The following SCFD2 variants were observed in gnomAD, a reference collection of about 807,000 sequenced individuals.
The protein encoded by SCFD2 is sec1 family domain containing 2, also known as sec1 family domain-containing protein 2.
Under a neutral mutation model 58.9 loss-of-function variants are expected in SCFD2, and 54 were observed. The observed-to-expected ratio is 0.92, with a 90% CI of 0.74 to 1.15. The LOEUF is 1.15. Ranked by LOEUF, SCFD2 falls within the 50% of genes most tolerant of loss-of-function variation. The probability of loss-of-function intolerance (pLI) is 0.00; values close to 1 mark genes in which losing one functional copy is unlikely to be tolerated. For synonymous variants in SCFD2, 321 were observed against 335.9 expected, an observed-to-expected ratio of 0.96 and a Z score of 0.49; for missense variants, 805 against 836.6, an observed-to-expected ratio of 0.96 and a Z score of 0.47.
At chr4:53,097,791 GC>G in intron 5 of SCFD2, among the ~76,000 whole-genome samples, 1 of 152,286 alleles carries the variant, frequency 6.6e-6, no homozygotes, top group East Asian at 1.9e-4. Flanking sequence ...CCTGTCTTGT[GC>G]CAGTTTTCAA....
Position 53,032,598 on chromosome 4 carries a change from T to C in SCFD2, c.1562-111728A>G, listed in dbSNP as rs185939314. Among the ~76,000 whole-genome samples, 21 of 152,078 alleles carry C rather than the reference T, an allele frequency of 1.4e-4. 1 individual carries two copies. The highest frequency in any genetic ancestry group is 2.5e-4 in the Non-Finnish European group (17 of 67,978). The stretch of plus-strand genomic sequence containing the variant: ...TCAAAATAAAGGGATGGAGGAATAT[T>C]TACCAAGCAAATGTAAAGCAAAACA... On this transcript the variant is annotated intron_variant, in intron 5 of 8. Transcript: ENST00000401642.
intron 6 of SCFD2, among the ~76,000 whole-genome samples, chr4:52,914,301 G>T (rs772741441): frequency 8.6e-5 from 13 of 151,872 alleles, no homozygotes; most frequent in Non-Finnish European, 1.9e-4. Context: ...ATAATAACTG[G>T]ACTTGTCCCT....
intron 5 of SCFD2, among the ~76,000 whole-genome samples, chr4:53,054,852 CT>C (rs1455327055): frequency 6.6e-6 from 1 of 152,072 alleles, no homozygotes; most frequent in Admixed American, 6.6e-5. Context: ...CAAGATCTCC[CT>C]ATGTTGCCTG....
At position 53,139,710 on chromosome 4, in the gene SCFD2, C is replaced by A. The variant is rs369316038; in HGVS notation, c.1561+5623G>T. On this transcript the variant is annotated intron_variant, in intron 5 of 8. Coordinates refer to ENST00000401642, the MANE Select transcript of SCFD2 (RefSeq NM_152540.4). The stretch of plus-strand genomic sequence containing the variant: ...CCGCCACCCCATCTGGGAGGTGTAC[C>A]CAACAGCTCATTGAGAACAGGCCAT... Among the ~76,000 whole-genome samples, 3 of 152,306 alleles carry A rather than the reference C, an allele frequency of 2.0e-5. No homozygotes were observed. The East Asian group carries it at 5.8e-4, about 29-fold the overall frequency.
At chr4:53,232,165 T>C (rs138493924) in intron 4 of SCFD2, among the ~76,000 whole-genome samples, 5 of 152,228 alleles carry the variant, frequency 3.3e-5, no homozygotes, top group Non-Finnish European at 7.4e-5. Context: ...GAAAACAAAC[T>C]TTAAATACTT....
chr4:52,896,006 G>T (rs1718999083), intron 7 of SCFD2, among the ~76,000 whole-genome samples: 3 of 152,166 alleles, frequency 2.0e-5, no homozygotes. Context: ...TTTTGATGGG[G>T]TTGTTTGTTT....
In SCFD2 at chr4:53,163,449, C is replaced by T. The variant is rs533332518; in HGVS notation, c.1312-17867G>A. Among the ~76,000 whole-genome samples the T allele has an allele frequency of 4.6e-5, 7 of 152,166 alleles. No individual in the cohort carries two copies. In the East Asian group the frequency reaches 5.8e-4, roughly 13 times the overall value. ...TTTAAAAAGAGGAGAAGAGGCCAGGCGCAGGGGCTCACACCTATAATCCCA... is the reference window on the plus strand; with the variant it reads ...TTTAAAAAGAGGAGAAGAGGCCAGGTGCAGGGGCTCACACCTATAATCCCA... On this transcript the variant is annotated intron_variant, in intron 4 of 8. Transcript: ENST00000401642.
intron 4 of SCFD2, among the ~76,000 whole-genome samples, chr4:53,266,646 C>G (rs1224787297): frequency 6.6e-6 from 1 of 152,176 alleles, no homozygotes; most frequent in East Asian, 1.9e-4. Context: ...TTTGTGAAAA[C>G]ACTCACTAAT....
intron 5 of SCFD2, among the ~76,000 whole-genome samples, chr4:53,041,650 A>G (rs1722903683): frequency 6.6e-6 from 1 of 152,172 alleles, no homozygotes; most frequent in Non-Finnish European, 1.5e-5. Flanking sequence ...TTGTTTCTTC[A>G]AAATGCCTTT....
In SCFD2 at chr4:52,885,859, C is replaced by A. The variant is rs141706393; in HGVS notation, c.1850G>T (p.Arg617Leu). The A allele has an allele frequency of 3.1e-6, 5 of 1,613,998 alleles. No individual in the cohort carries two copies. In the South Asian group the frequency reaches 5.5e-5, roughly 18 times the overall value. ...GAGGGGGTAGTCACTAGGATGAGGC[C>A]GGCTCACCTGCAAAACAAAACACCA... ...TGFSMFMKVS[R>L]PHPSDYPLLI... The change falls in exon 8 of 9, where the codon CGG becomes CTG. Residue 617 changes from arginine (R) to leucine (L), a missense_variant. Arg to Leu is a moderately radical substitution (Grantham distance 102). Transcript: ENST00000401642.
chr4:52,942,945 C>CA lies in SCFD2; in HGVS notation c.1562-22076dup, dbSNP rs773255911. On this transcript the variant is annotated intron_variant, in intron 5 of 8. Coordinates refer to ENST00000401642, the MANE Select transcript of SCFD2 (RefSeq NM_152540.4). ...ATAAATCTGCCATGGAAAGTAAAAGCAAAAAAAAAAAAAGTCATTAAGCAC... is the reference window on the plus strand; with the variant it reads ...ATAAATCTGCCATGGAAAGTAAAAGCAAAAAAAAAAAAAAGTCATTAAGCAC... Among the ~76,000 whole-genome samples the CA allele has an allele frequency of 9.4e-3, 1,194 of 126,388 alleles. 9 individuals are homozygous for CA. The highest frequency in any genetic ancestry group is 0.028 in the African/African-American group (965 of 33,966). The allele number at this position is 126,388 out of a possible 152,430, so 82.9% of individuals were successfully genotyped here.
intron 5 of SCFD2, among the ~76,000 whole-genome samples, chr4:52,952,621 C>T (rs146930122): frequency 6.6e-6 from 1 of 152,294 alleles, no homozygotes; most frequent in East Asian, 1.9e-4. Flanking sequence ...TTGAAATAGG[C>T]AGTAATCACA....
At chr4:52,993,900 C>T (rs891485074) in intron 5 of SCFD2, among the ~76,000 whole-genome samples, 7 of 152,248 alleles carry the variant, frequency 4.6e-5, no homozygotes, top group Admixed American at 2.0e-4. Flanking sequence ...GTTGTCAAAA[C>T]GATGACTGGG....
At chr4:53,257,151 A>G (rs1477816274) in intron 4 of SCFD2, among the ~76,000 whole-genome samples, 1 of 152,102 alleles carries the variant, frequency 6.6e-6, no homozygotes, top group African/African-American at 2.4e-5. Context: ...CCTTTAATAC[A>G]GATAGAGAGG....
At chr4:52,907,828 C>G (rs549803430) in intron 6 of SCFD2, among the ~76,000 whole-genome samples, 2 of 152,058 alleles carry the variant, frequency 1.3e-5, no homozygotes, top group African/African-American at 2.4e-5. Context: ...TTCTCATGCT[C>G]CCTTCTACAA....
intron 2 of SCFD2, among the ~76,000 whole-genome samples, chr4:53,335,350 C>A (rs747277649): frequency 6.6e-6 from 1 of 152,098 alleles, no homozygotes. Context: ...AATTACTGGT[C>A]TGTATTCTTC....
At chr4:52,945,433 C>A (rs139594238) in intron 5 of SCFD2, among the ~76,000 whole-genome samples, 4 of 152,192 alleles carry the variant, frequency 2.6e-5, no homozygotes, top group Admixed American at 6.5e-5. Flanking sequence ...TCCTCTCCCC[C>A]TCAACACATA....
At chr4:53,096,045 GA>G (rs1367568827) in intron 5 of SCFD2, among the ~76,000 whole-genome samples, 2 of 152,154 alleles carry the variant, frequency 1.3e-5, no homozygotes, top group African/African-American at 4.8e-5. Context: ...CAAAGGACAT[GA>G]ACTCATCATT....
rs1719511586 is a variant in SCFD2 at position 52,912,546 on chromosome 4, A to T, written c.1708-4955T>A. Among the ~76,000 whole-genome samples the T allele has an allele frequency of 3.9e-5, 6 of 152,192 alleles. No homozygotes were observed. The South Asian group carries it at 1.2e-3, about 32-fold the overall frequency. On this transcript the variant is annotated intron_variant, in intron 6 of 8. Coordinates refer to ENST00000401642, the MANE Select transcript of SCFD2 (RefSeq NM_152540.4). ...AAAAAACCCTCTAAATTTTCTACTG[A>T]AAGAACTAAGTACAGAACAACTGGA...
Sources: gnomAD v4.1 joint callset for allele counts (sites outside exome capture counted in the v4.1 genomes callset) on GRCh38, gnomAD v4.1.1 for gene constraint, MANE v1.5 for transcripts, NCBI Gene and HGNC (gene_info 2026-07-23, HGNC 2026-07-21) for gene names.